SORCS1: variants seen among roughly 807,000 people sequenced by gnomAD.
The protein encoded by SORCS1 is VPS10 domain-containing receptor SorCS1.
A neutral mutation model predicts 146.1 loss-of-function variants in SORCS1; 60 were observed. That is an observed-to-expected ratio of 0.41 (90% CI 0.33 to 0.51). SORCS1 has a LOEUF of 0.51. SORCS1 is among the 20% of genes least tolerant of loss of function. SORCS1 has a pLI of 0.21. For synonymous variants in SORCS1, 637 were observed against 584.0 expected, an observed-to-expected ratio of 1.09 and a Z score of -1.31; for missense variants, 1,352 against 1,487.6, an observed-to-expected ratio of 0.91 and a Z score of 1.50.
intron 4 of SORCS1, among the ~76,000 whole-genome samples, chr10:106,773,761 A>G (rs1860208754): frequency 6.6e-6 from 1 of 152,130 alleles, no homozygotes; most frequent in Non-Finnish European, 1.5e-5. Context: ...CAGCCTGGCC[A>G]ACAAGGCGAA....
At chr10:107,006,917 T>TAAA (rs1424286356) in intron 1 of SORCS1, among the ~76,000 whole-genome samples, 135 of 137,546 alleles carry the variant, frequency 9.8e-4, no homozygotes, top group African/African-American at 4.8e-3. Flanking sequence ...TTTTCAATGA[T>TAAA]TATAAACAAA....
intron 6 of SORCS1, among the ~76,000 whole-genome samples, chr10:106,722,640 A>C (rs1418773798): frequency 2.6e-5 from 4 of 152,148 alleles, no homozygotes; most frequent in African/African-American, 9.7e-5. Context: ...GAAAATAAAC[A>C]CTGGGACCAG....
At position 107,139,614 on chromosome 10, in the gene SORCS1, T is replaced by G. The variant is rs568082341; in HGVS notation, c.558+24355A>C. On this transcript the variant is annotated intron_variant, in intron 1 of 25. Coordinates refer to ENST00000263054, the MANE Select transcript of SORCS1 (RefSeq NM_052918.5). ...GGCCCTGACACATATACACAATCAG[T>G]AGAGATTGGTGAAGCCCAAATACAT... Among the ~76,000 whole-genome samples the G allele has an allele frequency of 3.9e-5, 6 of 152,278 alleles. No individual in the cohort carries two copies. The South Asian group carries it at 1.2e-3, about 32-fold the overall frequency.
chr10:106,579,232 CATT>C, intron 25 of SORCS1, 134 bp downstream of exon 25: 1 of 1,614,106 alleles, frequency 6.2e-7, no homozygotes. Flanking sequence ...TGGGCATAAA[CATT>C]AATCCCCGGG....
chr10:106,971,100 T>A (rs76871194), intron 1 of SORCS1, among the ~76,000 whole-genome samples: 1 of 151,982 alleles, frequency 6.6e-6, no homozygotes, highest in East Asian at 1.9e-4. Flanking sequence ...CAGGTCACCC[T>A]TTACACTGTT....
At chr10:106,657,078 A>T (rs1304785807) in intron 17 of SORCS1, among the ~76,000 whole-genome samples, 1 of 152,230 alleles carries the variant, frequency 6.6e-6, no homozygotes, top group Non-Finnish European at 1.5e-5. Context: ...TAGATCTACC[A>T]TTCAATCCCG....
At chr10:106,882,208 T>A (rs780527041) in intron 2 of SORCS1, among the ~76,000 whole-genome samples, 1 of 152,150 alleles carries the variant, frequency 6.6e-6, no homozygotes, top group Non-Finnish European at 1.5e-5. Context: ...CTAGGCCATA[T>A]TGGACGAAGA....
chr10:106,823,707 C>T (rs898040476), intron 3 of SORCS1, among the ~76,000 whole-genome samples: 11 of 152,032 alleles, frequency 7.2e-5, no homozygotes, highest in Non-Finnish European at 1.6e-4. Context: ...AAAAAGAAAA[C>T]GGATGTCTTG....
chr10:106,725,507 C>A (rs951033159), intron 6 of SORCS1, among the ~76,000 whole-genome samples: 2 of 151,154 alleles, frequency 1.3e-5, no homozygotes, highest in South Asian at 4.2e-4. Context: ...GCTGAGATCG[C>A]GCCATTACAC....
chr10:106,649,404 G>T (rs371916470), intron 18 of SORCS1, among the ~76,000 whole-genome samples: 1 of 152,106 alleles, frequency 6.6e-6, no homozygotes, highest in Non-Finnish European at 1.5e-5. Flanking sequence ...CCCATCACAC[G>T]CCTGTTAGGG....
rs928276690 is a variant in SORCS1, at chr10:106,721,520, C to T, written c.1024+8530G>A. Among the ~76,000 whole-genome samples the T allele has an allele frequency of 1.3e-3, 195 of 152,202 alleles. 1 individual carries two copies. Among genetic ancestry groups the T allele is most frequent in the African/African-American group, 4.6e-3 (190 of 41,548 alleles). Reference sequence around the variant, plus strand: ...AACCTCACTCCTAATTAAATAAATACAGATTAAAACAATAAGGATATGCCT... The same window carrying T: ...AACCTCACTCCTAATTAAATAAATATAGATTAAAACAATAAGGATATGCCT... On this transcript the variant is annotated intron_variant, in intron 6 of 25. Transcript: ENST00000263054.
intron 14 of SORCS1, among the ~76,000 whole-genome samples, chr10:106,674,277 C>G (rs2475258): frequency 0.84 from 121,296 of 144,228 alleles, 51,814 homozygotes; most frequent in Non-Finnish European, 0.93. Context: ...TGCAATGAGC[C>G]GAGATCATGC....
At chr10:106,926,571 A>G (rs1371999691) in intron 2 of SORCS1, among the ~76,000 whole-genome samples, 2 of 152,272 alleles carry the variant, frequency 1.3e-5, no homozygotes, top group East Asian at 3.9e-4. Flanking sequence ...GGCTCATAAA[A>G]CTGCCATTTT....
chr10:106,835,631 T>G (rs1022433357), intron 2 of SORCS1, among the ~76,000 whole-genome samples: 1 of 152,204 alleles, frequency 6.6e-6, no homozygotes, highest in Non-Finnish European at 1.5e-5. Context: ...AGAACTGGAA[T>G]ATAAGCAATA....
In SORCS1 at chr10:106,996,375, C is replaced by A. The variant is rs1957004812; in HGVS notation, c.559-39795G>T. The stretch of plus-strand genomic sequence containing the variant: ...GCTAAAAATTATTTTGCACTGCTAT[C>A]ATTCATCTACAATTTAAATAATTAT... On this transcript the variant is annotated intron_variant, in intron 1 of 25. Transcript: ENST00000263054. Among the ~76,000 whole-genome samples the A allele has an allele frequency of 3.3e-5, 5 of 152,128 alleles. No homozygotes were observed. In the South Asian group the frequency reaches 1.0e-3, roughly 32 times the overall value.
chr10:107,145,289 A>G (rs1489083160), intron 1 of SORCS1, among the ~76,000 whole-genome samples: 10 of 152,224 alleles, frequency 6.6e-5, no homozygotes, highest in Admixed American at 6.5e-4. Context: ...ACTGAATTAA[A>G]TGACCAAAAG....
At chr10:106,929,766 T>C (rs10748930) in intron 2 of SORCS1, among the ~76,000 whole-genome samples, 133,591 of 152,132 alleles carry the variant, frequency 0.88, 60,266 homozygotes, top group Non-Finnish European at 1. Flanking sequence ...CACAGGCATG[T>C]GCACGTGCAC....
At chr10:106,669,424 C>T (rs1203657711) in intron 16 of SORCS1, among the ~76,000 whole-genome samples, 3 of 151,822 alleles carry the variant, frequency 2.0e-5, no homozygotes, top group East Asian at 1.9e-4. Flanking sequence ...TAAAGAATGG[C>T]TGTTTCTTAA....
chr10:106,826,548 T>C (rs1467634817), intron 3 of SORCS1, among the ~76,000 whole-genome samples: 2 of 152,260 alleles, frequency 1.3e-5, no homozygotes, highest in African/African-American at 4.8e-5. Flanking sequence ...GTGCAAGTAC[T>C]ATCTCTTTGA....
Sources: gnomAD v4.1 joint callset for allele counts (sites outside exome capture counted in the v4.1 genomes callset) on GRCh38, gnomAD v4.1.1 for gene constraint, MANE v1.5 for transcripts, NCBI Gene and HGNC (gene_info 2026-07-23, HGNC 2026-07-21) for gene names.